The following PDE4D variants were observed in gnomAD, a reference collection of about 807,000 sequenced individuals.
The protein encoded by PDE4D is 3',5'-cyclic-AMP phosphodiesterase 4D.
A neutral mutation model predicts 87.4 loss-of-function variants in PDE4D; 24 were observed. The ratio of observed to expected loss-of-function variants is 0.27; its 90% CI spans 0.20 to 0.39. The LOEUF (loss-of-function observed/expected upper bound fraction) is 0.39, where lower values mean the gene tolerates loss of function less well. Ranked by LOEUF, PDE4D falls within the 10% of genes least tolerant of loss-of-function variation. The pLI is 1.00. For missense variants in PDE4D, 714 were observed against 1,041.0 expected (o/e 0.69, Z 4.32); for synonymous variants, 384 against 383.2 (o/e 1.00, Z -0.02).
At position 59,893,507 on chromosome 5, in the gene PDE4D, TG is replaced by T; in HGVS notation, c.115del (p.His39ThrfsTer98). The T allele has an allele frequency of 6.5e-7, 1 of 1,541,422 alleles. No individual in the cohort carries two copies. The highest frequency in any genetic ancestry group is 8.7e-7 in the Non-Finnish European group (1 of 1,142,918). On this transcript the variant is annotated frameshift_variant, in exon 1 of 15. Coordinates refer to ENST00000340635, the MANE Select transcript of PDE4D (RefSeq NM_001104631.2). LOFTEE classifies it high-confidence loss of function. Reference sequence around the variant, plus strand: ...CTGGGGCTGCCGGAGCGGGTACTGGTGGTGCTGCTCGTGCCTCCAGAGATGC... The same window carrying T: ...CTGGGGCTGCCGGAGCGGGTACTGGTGTGCTGCTCGTGCCTCCAGAGATGC... ...PKHLWRHEQHHQYPLRQPQFR... is the reference protein window; with the variant it reads ...PKHLWRHEQHXQYPLRQPQFR...
At chr5:59,125,157 A>C in intron 5 of PDE4D, 28 of 334,926 alleles carry the variant, frequency 8.4e-5, no homozygotes, top group Non-Finnish European at 1.1e-4. Flanking sequence ...AGCAGTTAGA[A>C]GAGATTGAGC....
chr5:59,010,835 C>T (rs1485191401), intron 6 of PDE4D, among the ~76,000 whole-genome samples: 2 of 152,174 alleles, frequency 1.3e-5, no homozygotes, highest in Non-Finnish European at 2.9e-5. Flanking sequence ...AATGGACACA[C>T]TGCTTCCTCA....
intron 1 of PDE4D, among the ~76,000 whole-genome samples, chr5:59,485,656 G>A (rs1007984655): frequency 4.6e-5 from 7 of 151,930 alleles, no homozygotes; most frequent in Middle Eastern, 3.2e-3. Flanking sequence ...CTGCAGAATA[G>A]TTTTTCTAGA....
At chr5:59,969,561 T>C (rs1760461704) in intron 3 of PDE4D, among the ~76,000 whole-genome samples, 1 of 152,186 alleles carries the variant, frequency 6.6e-6, no homozygotes, top group African/African-American at 2.4e-5. Context: ...GAAATACTTC[T>C]TGACATGGTT....
At chr5:59,210,791 G>A (rs547100783) in intron 2 of PDE4D, among the ~76,000 whole-genome samples, 14 of 152,224 alleles carry the variant, frequency 9.2e-5, no homozygotes, top group African/African-American at 3.4e-4. Flanking sequence ...CAGAGGATGG[G>A]GAATAGAGGA....
chr5:58,996,963 G>A (rs1209976146), intron 6 of PDE4D, among the ~76,000 whole-genome samples: 2 of 152,012 alleles, frequency 1.3e-5, no homozygotes, highest in Non-Finnish European at 2.9e-5. Flanking sequence ...CAAAAACATG[G>A]ATTGGAGAAA....
chr5:60,021,754 T>C (rs902761291), intron 2 of PDE4D: 2 of 152,240 alleles, frequency 1.3e-5, no homozygotes, highest in Non-Finnish European at 2.9e-5. Context: ...ACCAGTGTTC[T>C]TCCTCTCTCA....
At chr5:60,034,555 T>C (rs1767579840) in intron 2 of PDE4D, among the ~76,000 whole-genome samples, 1 of 152,270 alleles carries the variant, frequency 6.6e-6, no homozygotes, top group East Asian at 1.9e-4. Flanking sequence ...GCCTGGATCA[T>C]CAAGGAAAAT....
intron 5 of PDE4D, among the ~76,000 whole-genome samples, chr5:59,062,813 T>C (rs553049890): frequency 6.7e-6 from 1 of 150,286 alleles, no homozygotes; most frequent in Non-Finnish European, 1.5e-5. Flanking sequence ...AATAATTCAA[T>C]TATTTCATAT....
At chr5:59,175,781 ATTTT>A (rs57572403) in intron 5 of PDE4D, among the ~76,000 whole-genome samples, 3 of 94,580 alleles carry the variant, frequency 3.2e-5, no homozygotes, top group Non-Finnish European at 6.2e-5. Context: ...CCCGGCCTCC[ATTTT>A]TTTTTTTTTT....
At chr5:59,484,624 A>C (rs1804795409) in intron 1 of PDE4D, among the ~76,000 whole-genome samples, 1 of 152,214 alleles carries the variant, frequency 6.6e-6, no homozygotes, top group Non-Finnish European at 1.5e-5. Context: ...CAATGGCAGC[A>C]GCAAACCCAA....
chr5:59,096,828 T>C (rs987848531), intron 5 of PDE4D, among the ~76,000 whole-genome samples: 1 of 152,168 alleles, frequency 6.6e-6, no homozygotes, highest in Admixed American at 6.5e-5. Flanking sequence ...TACCTAAACC[T>C]CATGGGAACC....
chr5:60,512,579 T>C (rs1404312530), intron 1 of PDE4D, among the ~76,000 whole-genome samples: 1 of 152,244 alleles, frequency 6.6e-6, no homozygotes, highest in Non-Finnish European at 1.5e-5. Context: ...AGGGAAGTTT[T>C]AGAAGACTTT....
chr5:59,005,213 G>A (rs1751364524), intron 6 of PDE4D, among the ~76,000 whole-genome samples: 1 of 152,130 alleles, frequency 6.6e-6, no homozygotes, highest in Non-Finnish European at 1.5e-5. Flanking sequence ...TCTAAAATCT[G>A]CAGCCTCTTC....
chr5:60,065,777 T>C (rs11951286), intron 2 of PDE4D, among the ~76,000 whole-genome samples: 44,694 of 152,068 alleles, frequency 0.29, 7,330 homozygotes, highest in East Asian at 0.74. Context: ...TCATGTTTTA[T>C]GGCTGCGTAG....
At chr5:59,942,578 G>A (rs751886043) in intron 3 of PDE4D, among the ~76,000 whole-genome samples, 10 of 152,142 alleles carry the variant, frequency 6.6e-5, no homozygotes, top group Non-Finnish European at 1.3e-4. Flanking sequence ...AGAGAATAGT[G>A]TCAGAGGAGC....
intron 1 of PDE4D, among the ~76,000 whole-genome samples, chr5:59,890,860 G>A (rs1262489050): frequency 6.6e-6 from 1 of 152,134 alleles, no homozygotes; most frequent in Non-Finnish European, 1.5e-5. Context: ...AAATTTCTTT[G>A]ATAATTTAAA....
At chr5:60,018,194 T>A (rs1321785633) in intron 2 of PDE4D, among the ~76,000 whole-genome samples, 1 of 151,160 alleles carries the variant, frequency 6.6e-6, no homozygotes, top group East Asian at 1.9e-4. Context: ...TTCAACATTC[T>A]TAAAAAAAAA....
chr5:59,927,572 A>C (rs902814147), intron 3 of PDE4D, among the ~76,000 whole-genome samples: 1 of 152,212 alleles, frequency 6.6e-6, no homozygotes, highest in Non-Finnish European at 1.5e-5. Flanking sequence ...GAAATCTTGG[A>C]ACTTGGTATT....
Sources: gnomAD v4.1 joint callset for allele counts (sites outside exome capture counted in the v4.1 genomes callset) on GRCh38, gnomAD v4.1.1 for gene constraint, MANE v1.5 for transcripts, NCBI Gene and HGNC (gene_info 2026-07-23, HGNC 2026-07-21) for gene names.